The following C20orf96 variants were observed in gnomAD, a reference collection of about 807,000 sequenced individuals.
C20orf96 encodes the protein chromosome 20 open reading frame 96.
A neutral mutation model predicts 52.6 loss-of-function variants in C20orf96; 57 were observed. The observed-to-expected ratio is 1.08, with a 90% CI of 0.88 to 1.35. The LOEUF is 1.35. Ranked by LOEUF, C20orf96 falls within the 40% of genes most tolerant of loss-of-function variation. The probability of loss-of-function intolerance (pLI) is 0.00; values close to 1 mark genes in which losing one functional copy is unlikely to be tolerated. For synonymous variants in C20orf96, 168 were observed against 157.2 expected (o/e 1.07, Z -0.51); for missense variants, 478 against 443.6 (o/e 1.08, Z -0.70).
chr20:284,164 G>T, intron 3 of C20orf96, 83 bp from the exon 4 acceptor site: 2 of 996,260 alleles, frequency 2.0e-6, no homozygotes, highest in Non-Finnish European at 3.2e-6. Flanking sequence ...CACCATTAAT[G>T]AGAGGAGGGC....
intron 4 of C20orf96, 116 bp downstream of exon 4, chr20:283,847 T>G (rs1174888800): frequency 2.9e-5 from 22 of 747,428 alleles, no homozygotes; most frequent in Non-Finnish European, 5.0e-5. Context: ...ACACAGTTCC[T>G]GTGAGGAAGA....
At chr20:290,460 G>A (rs1248840319) in intron 1 of C20orf96, 131 bp downstream of exon 1, 2 of 1,528,412 alleles carry the variant, frequency 1.3e-6, no homozygotes, top group Admixed American at 2.1e-5. Context: ...AAGGAGATGT[G>A]GGCGGGGAGA....
intron 4 of C20orf96, among the ~76,000 whole-genome samples, chr20:281,293 G>A (rs905945096): frequency 4.6e-5 from 7 of 151,870 alleles, no homozygotes; most frequent in Admixed American, 3.9e-4. Context: ...GTTTACGGCT[G>A]CAGTGAGCTA....
chr20:286,692 C>T (rs547387034), intron 3 of C20orf96, among the ~76,000 whole-genome samples: 5 of 152,292 alleles, frequency 3.3e-5, no homozygotes, highest in East Asian at 3.9e-4. Flanking sequence ...TGCAAAAGTA[C>T]GGTACAATAT....
At chr20:285,198 G>A (rs1358220606) in intron 3 of C20orf96, among the ~76,000 whole-genome samples, 1 of 152,184 alleles carries the variant, frequency 6.6e-6, no homozygotes, top group Non-Finnish European at 1.5e-5. Flanking sequence ...CACTCTAAGG[G>A]CTGTGGTTCT....
intron 4 of C20orf96, among the ~76,000 whole-genome samples, chr20:279,566 G>A (rs1420829197): frequency 6.6e-6 from 1 of 152,142 alleles, no homozygotes; most frequent in Non-Finnish European, 1.5e-5. Flanking sequence ...CTGAGGTGCG[G>A]GTGCATCTAC....
At chr20:285,738 C>T (rs2009825) in intron 3 of C20orf96, among the ~76,000 whole-genome samples, 50,083 of 151,918 alleles carry the variant, frequency 0.33, 8,524 homozygotes, top group East Asian at 0.4. Context: ...CCCGCCACCA[C>T]ACCCAGCTAA....
At position 283,996 on chromosome 20, in the gene C20orf96, A is replaced by G; in HGVS notation, c.273T>C (p.Pro91=). The change falls in exon 4 of 11, where the codon CCT becomes CCC. Residue 91 remains proline, a synonymous_variant. Transcript: ENST00000360321. ...RELHRRRKLD[P]GKMHAKIWLM... Reference sequence around the variant, plus strand: ...ACCAGATTTTGGCATGCATCTTCCCAGGGTCCAACTTCCGCCTTCTATGTA... The same window carrying G: ...ACCAGATTTTGGCATGCATCTTCCCGGGGTCCAACTTCCGCCTTCTATGTA... 5.0e-6 allele frequency: 8 copies of G among 1,614,152 alleles called. No individual in the cohort carries two copies. The highest frequency in any genetic ancestry group is 6.8e-6 in the Non-Finnish European group (8 of 1,179,988).
At position 279,193 on chromosome 20, in the gene C20orf96, C is replaced by T; in HGVS notation, c.444G>A (p.Leu148=). ...NSTTLHVRAL[L]QQQDTLATII... ...TCACCGCCAGGGTGTCCTGCTGCTG[C>T]AGCAGGGCCCGCACGTGCAGGGTCG... The change falls in exon 5 of 11, where the codon CTG becomes CTA. Residue 148 remains leucine, a synonymous_variant. Transcript: ENST00000360321. 3.7e-6 allele frequency: 6 copies of T among 1,602,752 alleles called. No individual in the cohort carries two copies. Among genetic ancestry groups the T allele is most frequent in the Non-Finnish European group, 5.1e-6 (6 of 1,176,958 alleles).
chr20:277,800 C>CAG (rs57377433), intron 6 of C20orf96, among the ~76,000 whole-genome samples: 67,815 of 151,396 alleles, frequency 0.45, 15,170 homozygotes, highest in East Asian at 0.54. Context: ...TGTCTTCCTC[C>CAG]AGAGAGACCC....
chr20:287,908 CA>C (rs71327437), intron 3 of C20orf96, among the ~76,000 whole-genome samples: 3,123 of 63,008 alleles, frequency 0.05, 112 homozygotes, highest in African/African-American at 0.17. Context: ...GACTCCTTCT[CA>C]AAAAAAAAAA....
chr20:276,762 A>G, intron 9 of C20orf96, 31 bp downstream of exon 9: 3 of 1,604,300 alleles, frequency 1.9e-6, no homozygotes, highest in Non-Finnish European at 2.6e-6. Context: ...CTGCTTCCCT[A>G]CAGGGACCAC....
chr20:274,423 A>G (rs2011951204), intron 10 of C20orf96, among the ~76,000 whole-genome samples: 2 of 152,140 alleles, frequency 1.3e-5, no homozygotes, highest in Admixed American at 1.3e-4. Context: ...TCTCTGCCCC[A>G]AGGCCTGGCT....
intron 4 of C20orf96, 88 bp from the exon 5 acceptor site, chr20:279,418 C>G (rs1282105574): frequency 5.8e-6 from 8 of 1,383,568 alleles, no homozygotes; most frequent in South Asian, 1.5e-5. Flanking sequence ...GCCCCGGCCC[C>G]GCCAGACGCC....
intron 4 of C20orf96, among the ~76,000 whole-genome samples, chr20:280,457 G>T (rs1445332381): frequency 6.6e-6 from 1 of 152,246 alleles, no homozygotes; most frequent in Non-Finnish European, 1.5e-5. Flanking sequence ...GCTGTGCCTT[G>T]CTCTGCAGGT....
intron 1 of C20orf96, 54 bp from the exon 2 acceptor site, chr20:290,361 G>T (rs751391253): frequency 6.3e-7 from 1 of 1,599,966 alleles, no homozygotes; most frequent in Non-Finnish European, 8.5e-7. Context: ...CCAAGGGGCA[G>T]CAAGCAGCAA....
chr20:281,346 C>T lies in C20orf96; in HGVS notation c.307-2016G>A, dbSNP rs555595643. ...TTTAGCCTGGGTGACAGAGCAAGAC[C>T]CTGTCTTTAAATTCACAATCAAGCC... is the stretch of plus-strand genomic sequence containing the variant. On this transcript the variant is annotated intron_variant, in intron 4 of 10. Coordinates refer to ENST00000360321, the MANE Select transcript of C20orf96 (RefSeq NM_153269.3). 3.9e-5 allele frequency among the ~76,000 whole-genome samples: 6 copies of T among 152,150 alleles called. No individual in the cohort carries two copies. The South Asian group carries it at 1.2e-3, about 32-fold the overall frequency.
At chr20:279,045 C>CGGGAGGGATAGAGGGA in intron 5 of C20orf96, 127 bp downstream of exon 5, 1 of 32,830 alleles carries the variant, frequency 3.0e-5, no homozygotes, top group Non-Finnish European at 4.3e-5. Flanking sequence ...GGACGGAGGG[C>CGGGAGGGATAGAGGGA]GGGAGGGCGG....
intron 9 of C20orf96, 111 bp downstream of exon 9, chr20:276,682 A>G: frequency 6.6e-7 from 1 of 1,512,266 alleles, no homozygotes; most frequent in South Asian, 1.3e-5. Flanking sequence ...CACCAGAGTC[A>G]GAGACCTCCT....
Sources: allele counts gnomAD v4.1 joint callset (sites outside exome capture counted in the v4.1 genomes callset), GRCh38; gene constraint gnomAD v4.1.1; transcripts MANE v1.5; gene names NCBI Gene and HGNC (gene_info 2026-07-23, HGNC 2026-07-21).